The following FAM187B variants were observed in gnomAD, a reference collection of about 807,000 sequenced individuals.
FAM187B encodes family with sequence similarity 187 member B, also known as protein FAM187B.
A neutral mutation model predicts 22.6 loss-of-function variants in FAM187B; 22 were observed. That is an observed-to-expected ratio of 0.97 (90% CI 0.70 to 1.39). The LOEUF (loss-of-function observed/expected upper bound fraction) is 1.39. Among genes scored for constraint, FAM187B ranks in the 40% most tolerant of loss-of-function variants. The pLI is 0.00. For synonymous variants in FAM187B, 192 were observed against 201.8 expected (o/e 0.95, Z 0.41); for missense variants, 433 against 462.1 (o/e 0.94, Z 0.58).
At position 35,228,523 on chromosome 19, in the gene FAM187B, T is replaced by C. The variant is rs1367678935; in HGVS notation, c.158A>G (p.Tyr53Cys). 5.6e-6 allele frequency: 9 copies of C among 1,614,116 alleles called. No individual in the cohort carries two copies. The highest frequency in any genetic ancestry group is 7.6e-6 in the Non-Finnish European group (9 of 1,180,024). Residue 53 changes from tyrosine (Y) to cysteine (C), a missense_variant, in exon 1 of 2, where the codon TAT becomes TGT. By Grantham distance (194) the Tyr-to-Cys change is radical. Coordinates refer to ENST00000324675, the MANE Select transcript of FAM187B (RefSeq NM_152481.2). Reference protein sequence around the residue: ...YCNSSGAHWYYLFTQGKKGRL... With the variant: ...YCNSSGAHWYCLFTQGKKGRL... ...GCCCTTCTTGCCTTGTGTGAATAAA[T>C]AGTACCAGTGCGCCCCCGAGGAGTT...
chr19:35,228,596 G>T lies in FAM187B; in HGVS notation c.85C>A (p.Gln29Lys). The change falls in exon 1 of 2, where the codon CAG (glutamine) becomes AAG (lysine). Residue 29 changes from glutamine (Q) to lysine (K), a missense_variant. Gln to Lys is a moderately conservative substitution (Grantham distance 53). Coordinates refer to ENST00000324675, the MANE Select transcript of FAM187B (RefSeq NM_152481.2). ...YFSISCPSGK[Q>K]CQQALLSGND... is the part of the protein sequence containing the mutation. ...CCTGAGAGTAGGGCCTGTTGGCACT[G>T]CTTACCACTGGGGCAGCTGATGGAA... The T allele has an allele frequency of 3.7e-6, 6 of 1,614,124 alleles. No individual in the cohort carries two copies. Among genetic ancestry groups the T allele is most frequent in the Non-Finnish European group, 5.1e-6 (6 of 1,180,026 alleles).
At position 35,228,413 on chromosome 19, in the gene FAM187B, T is replaced by A. The variant is rs1466687127; in HGVS notation, c.268A>T (p.Thr90Ser). The A allele has an allele frequency of 6.2e-7, 1 of 1,614,164 alleles. No homozygotes were observed. The highest frequency in any genetic ancestry group is 1.7e-5 in the Admixed American group (1 of 60,028). The part of the protein sequence containing the change: ...LLIKDPLPSQ[T>S]GLYHCWNKNG... The stretch of plus-strand genomic sequence containing the variant: ...TTGTTCCAGCAGTGGTAGAGGCCCG[T>A]CTGGGAGGGCAATGGATCTTTAATG... Residue 90 changes from threonine to serine, a missense_variant, in exon 1 of 2, where the codon ACG becomes TCG. Thr to Ser is a moderately conservative substitution (Grantham distance 58). Coordinates refer to ENST00000324675, the MANE Select transcript of FAM187B (RefSeq NM_152481.2).
rs374991443 is a variant in FAM187B at position 35,224,983 on chromosome 19, C to T, written c.952G>A (p.Glu318Lys). The T allele has an allele frequency of 1.2e-6, 2 of 1,613,894 alleles. No homozygotes were observed. Among genetic ancestry groups the T allele is most frequent in the Non-Finnish European group, 1.7e-6 (2 of 1,179,990 alleles). Residue 318 changes from glutamate (E) to lysine (K), a missense_variant, in exon 2 of 2, where the codon GAG becomes AAG. Coordinates refer to ENST00000324675, the MANE Select transcript of FAM187B (RefSeq NM_152481.2). ...CTGCCCCGCAGGGCCTTCCTTGCCTCCCGCCACTGGGCATCGTTCTCTCTC... is the reference window on the plus strand; with the variant it reads ...CTGCCCCGCAGGGCCTTCCTTGCCTTCCGCCACTGGGCATCGTTCTCTCTC... ...QWRENDAQWR[E>K]ARKALRGRAD...
chr19:35,226,273 G>A (rs529277648), intron 1 of FAM187B, among the ~76,000 whole-genome samples: 1 of 152,214 alleles, frequency 6.6e-6, no homozygotes, highest in East Asian at 1.9e-4. Context: ...GGCTCAGCCT[G>A]GGCAACAAAG....
rs1247219257 is a variant in FAM187B at position 35,224,971 on chromosome 19, C to T, written c.964G>A (p.Ala322Thr). ...NDAQWREARK[A>T]LRGRADSVLK... ...ACGGAGTCCGCCCTGCCCCGCAGGG[C>T]CTTCCTTGCCTCCCGCCACTGGGCA... The change falls in exon 2 of 2, where the codon GCC becomes ACC. Residue 322 changes from alanine (A) to threonine (T), a missense_variant. Physicochemically the swap from Ala to Thr is moderately conservative, Grantham distance 58. Coordinates refer to ENST00000324675, the MANE Select transcript of FAM187B (RefSeq NM_152481.2). 6.2e-7 allele frequency: 1 copy of T among 1,613,838 alleles called. No homozygotes were observed. Among genetic ancestry groups the T allele is most frequent in the East Asian group, 2.2e-5 (1 of 44,890 alleles).
rs1291737554 is a variant in FAM187B, at chr19:35,228,259, A to T, written c.422T>A (p.Ile141Asn). The T allele has an allele frequency of 6.2e-7, 1 of 1,614,164 alleles. No individual in the cohort carries two copies. The highest frequency in any genetic ancestry group is 8.5e-7 in the Non-Finnish European group (1 of 1,180,034). Reference protein sequence around the residue: ...ETLHLGSKQLIFTWWEPWQDC... With the variant: ...ETLHLGSKQLNFTWWEPWQDC... ...CTGCCAGGGCTCCCACCAGGTAAAA[A>T]TGAGCTGTTTGCTGCCCAAATGCAG... The change falls in exon 1 of 2, where the codon ATT (isoleucine) becomes AAT (asparagine). Residue 141 changes from isoleucine to asparagine, a missense_variant. By Grantham distance (149) the Ile-to-Asn change is moderately radical. Coordinates refer to ENST00000324675, the MANE Select transcript of FAM187B (RefSeq NM_152481.2).
At chr19:35,226,633 C>A (rs2065662513) in intron 1 of FAM187B, among the ~76,000 whole-genome samples, 1 of 152,108 alleles carries the variant, frequency 6.6e-6, no homozygotes, top group South Asian at 2.1e-4. Context: ...ACCGACACAC[C>A]CAGCGTGGTG....
Position 35,225,180 on chromosome 19 carries a change from A to C in FAM187B, c.755T>G (p.Leu252Arg). The C allele has an allele frequency of 6.6e-7, 1 of 1,521,458 alleles. No individual in the cohort carries two copies. The highest frequency in any genetic ancestry group is 8.8e-7 in the Non-Finnish European group (1 of 1,133,816). 94.2% of individuals were successfully genotyped at this position (1,521,458 alleles called of 1,614,324 possible). Reference sequence around the variant, plus strand: ...GCCGGAGAGCTGGCTCTCCCACGTCAGGGGGGTGTCGTTGGCACGCCAGTT... The same window carrying C: ...GCCGGAGAGCTGGCTCTCCCACGTCCGGGGGGTGTCGTTGGCACGCCAGTT... ...PVNWRANDTP[L>R]TWESQLSGQD... is the part of the protein sequence containing the mutation. The change falls in exon 2 of 2, where the codon CTG becomes CGG. Residue 252 changes from leucine to arginine, a missense_variant. Transcript: ENST00000324675.
chr19:35,226,944 T>A (rs1469161398), intron 1 of FAM187B, among the ~76,000 whole-genome samples: 1 of 152,076 alleles, frequency 6.6e-6, no homozygotes, highest in East Asian at 1.9e-4. Flanking sequence ...GGGCCCTCAA[T>A]CCCATCTGAC....
At chr19:35,226,891 T>G (rs1555745047) in intron 1 of FAM187B, among the ~76,000 whole-genome samples, 1 of 152,190 alleles carries the variant, frequency 6.6e-6, no homozygotes, top group Non-Finnish European at 1.5e-5. Flanking sequence ...ATTGGATCAT[T>G]GCAGATATAA....
chr19:35,225,925 G>T (rs573333714), intron 1 of FAM187B, among the ~76,000 whole-genome samples: 7 of 152,308 alleles, frequency 4.6e-5, no homozygotes, highest in Admixed American at 3.3e-4. Context: ...GCCTTTGCCT[G>T]TCTGGTCTCA....
chr19:35,225,675 T>C lies in FAM187B; in HGVS notation c.723-463A>G, dbSNP rs76006089. Among the ~76,000 whole-genome samples, 1,043 of 152,138 alleles carry C rather than the reference T, an allele frequency of 6.9e-3. 13 individuals carry two copies. Among genetic ancestry groups the C allele is most frequent in the African/African-American group, 0.023 (974 of 41,494 alleles). On this transcript the variant is annotated intron_variant, in intron 1 of 1. Transcript: ENST00000324675. ...AAAAATTTAAAAAATTAGCTGGACA[T>C]GCTGACATGCGCCTGTGGTCCTGGC...
chr19:35,228,052 T>C lies in FAM187B; in HGVS notation c.629A>G (p.Gln210Arg). The part of the protein sequence containing the change: ...ACHVQCTNNT[Q>R]LRVDYVIFDN... Reference sequence around the variant, plus strand: ...AAAAATGACGTAATCCACCCTTAACTGTGTGTTATTGGTGCACTGGACGTG... The same window carrying C: ...AAAAATGACGTAATCCACCCTTAACCGTGTGTTATTGGTGCACTGGACGTG... Residue 210 changes from glutamine to arginine, a missense_variant, in exon 1 of 2, where the codon CAG becomes CGG. Physicochemically the swap from Gln to Arg is conservative, Grantham distance 43. Coordinates refer to ENST00000324675, the MANE Select transcript of FAM187B (RefSeq NM_152481.2). 4 of 1,614,244 alleles carry C rather than the reference T, an allele frequency of 2.5e-6. No homozygotes were observed. Among genetic ancestry groups the C allele is most frequent in the Non-Finnish European group, 3.4e-6 (4 of 1,180,044 alleles).
At position 35,228,204 on chromosome 19, in the gene FAM187B, C is replaced by T; in HGVS notation, c.477G>A (p.Glu159=). 6.2e-7 allele frequency: 1 copy of T among 1,614,164 alleles called. No homozygotes were observed. The highest frequency in any genetic ancestry group is 1.7e-5 in the Admixed American group (1 of 60,032). Residue 159 remains glutamate (E), a synonymous_variant, in exon 1 of 2, where the codon GAG becomes GAA. Transcript: ENST00000324675. ...TGTAGCGGTACCCCAGGCGTTTACA[C>T]TCGCCCGGCTCCTCACAGCGGTTGC... ...QDCNRCEEPG[E]CKRLGYRYIE... is the part of the protein sequence containing the mutation.
At chr19:35,226,428 A>G (rs1179602122) in intron 1 of FAM187B, among the ~76,000 whole-genome samples, 1 of 152,100 alleles carries the variant, frequency 6.6e-6, no homozygotes. Context: ...GTGCCACTGT[A>G]CTCCAGCCAG....
intron 1 of FAM187B, among the ~76,000 whole-genome samples, chr19:35,226,846 C>A (rs551515406): frequency 4.9e-4 from 75 of 152,338 alleles, no homozygotes; most frequent in Non-Finnish European, 6.9e-4. Flanking sequence ...AATGCATGTC[C>A]TTCCCAGAAC....
Position 35,225,040 on chromosome 19 carries a change from CG to C in FAM187B, c.894del (p.Ala299ProfsTer36). ...GCCTCCAGCGTCTCCAGACTGGCGG[CG>C]GGTTTGAACTGGGCCACGAGCTCCT... ...VQQELVAQFK[P>X]AASLETLEAQ... is the part of the protein sequence containing the mutation. On this transcript the variant is annotated frameshift_variant, in exon 2 of 2. Coordinates refer to ENST00000324675, the MANE Select transcript of FAM187B (RefSeq NM_152481.2). LOFTEE classifies it low-confidence loss of function (END_TRUNC). 6 of 1,613,132 alleles carry C rather than the reference CG, an allele frequency of 3.7e-6. No homozygotes were observed. The highest frequency in any genetic ancestry group is 5.1e-6 in the Non-Finnish European group (6 of 1,179,502).
Position 35,224,801 on chromosome 19 carries a change from C to A in FAM187B, c.*24G>T, listed in dbSNP as rs2065655963. ...GCTAAGAGAGAACCGGAGGCCGGGT[C>A]CGCTTGTGCACCGGGGGCTCGCTTT... On this transcript the variant is annotated 3_prime_UTR_variant, in exon 2 of 2. Coordinates refer to ENST00000324675, the MANE Select transcript of FAM187B (RefSeq NM_152481.2). 5 of 1,578,224 alleles carry A rather than the reference C, an allele frequency of 3.2e-6. No homozygotes were observed. In the South Asian group the frequency reaches 5.8e-5, roughly 18 times the overall value.
At chr19:35,227,547 C>CT (rs75987558) in intron 1 of FAM187B, among the ~76,000 whole-genome samples, 16,320 of 152,134 alleles carry the variant, frequency 0.11, 1,162 homozygotes, top group Admixed American at 0.18. Context: ...GGCAGGTGGA[C>CT]TGGGGGAGAG....
Sources: gnomAD v4.1 joint callset for allele counts (sites outside exome capture counted in the v4.1 genomes callset) on GRCh38, gnomAD v4.1.1 for gene constraint, MANE v1.5 for transcripts, NCBI Gene and HGNC (gene_info 2026-07-23, HGNC 2026-07-21) for gene names.